TXLNB: variants seen among roughly 807,000 people sequenced by gnomAD.
The protein encoded by TXLNB is beta-taxilin.
In TXLNB, 37 loss-of-function variants were observed where a neutral mutation model predicts 57.4. The observed-to-expected ratio is 0.64, with a 90% CI of 0.50 to 0.85. The LOEUF is 0.85. Among genes scored for constraint, TXLNB ranks in the 40% least tolerant of loss-of-function variants. The pLI is 0.00. For synonymous variants in TXLNB, 302 were observed against 309.6 expected (o/e 0.98, Z 0.26); for missense variants, 848 against 825.6 (o/e 1.03, Z -0.33).
the TXLNB span, chr6:139,180,638 T>G: frequency 6.6e-6 from 1 of 152,642 alleles, no homozygotes; most frequent in African/African-American, 2.4e-5. Context: ...AGTAAAGATT[T>G]CTTGTCAAGA....
chr6:139,246,256 CA>C (rs199809066), intron 8 of TXLNB, among the ~76,000 whole-genome samples: 2 of 150,948 alleles, frequency 1.3e-5, no homozygotes, highest in South Asian at 2.1e-4. Flanking sequence ...GCTAGAATTT[CA>C]AAAAAAAATT....
At chr6:139,263,753 A>G (rs1562279579) in intron 4 of TXLNB, among the ~76,000 whole-genome samples, 1 of 152,202 alleles carries the variant, frequency 6.6e-6, no homozygotes, top group Non-Finnish European at 1.5e-5. Context: ...CGTGGCTGAC[A>G]AATGATACAG....
chr6:139,241,734 G>C lies in TXLNB; in HGVS notation c.*792C>G, dbSNP rs1775938734. 6.6e-6 allele frequency: 1 copy of C among 152,218 alleles called. No homozygotes were observed. The highest frequency in any genetic ancestry group is 1.5e-5 in the Non-Finnish European group (1 of 68,042). The allele number at this position is 152,218 out of a possible 1,614,324, so 9.4% of individuals were successfully genotyped here. On this transcript the variant is annotated 3_prime_UTR_variant, in exon 10 of 10. Transcript: ENST00000358430. ...TGTCTGCACAGATTGTAGTCTAACT[G>C]CTTTTCTGCCATTTGATCAACTGGT...
chr6:139,272,167 C>T (rs1337194529), intron 3 of TXLNB, among the ~76,000 whole-genome samples: 2 of 152,032 alleles, frequency 1.3e-5, no homozygotes, highest in Non-Finnish European at 2.9e-5. Context: ...ATTAGCCGGG[C>T]GTGGTGGTAT....
intron 8 of TXLNB, among the ~76,000 whole-genome samples, 180 bp from the exon 9 acceptor site, chr6:139,244,870 G>A (rs1054529697): frequency 6.6e-6 from 1 of 152,174 alleles, no homozygotes; most frequent in Non-Finnish European, 1.5e-5. Context: ...GCCGTCTAGG[G>A]CAGTGGCAAG....
At chr6:139,260,966 G>C (rs1489831709) in intron 5 of TXLNB, among the ~76,000 whole-genome samples, 1 of 152,168 alleles carries the variant, frequency 6.6e-6, no homozygotes. Flanking sequence ...TGAGGCCTGA[G>C]CCCCCCTGAA....
the TXLNB span, among the ~76,000 whole-genome samples, chr6:139,234,896 G>T: frequency 3.3e-5 from 5 of 152,330 alleles, no homozygotes; most frequent in East Asian, 9.6e-4. Flanking sequence ...GAAAGCAGCT[G>T]GGAAGGGCAC....
At chr6:139,211,562 A>T in the TXLNB span, among the ~76,000 whole-genome samples, 2 of 152,206 alleles carry the variant, frequency 1.3e-5, no homozygotes, top group Non-Finnish European at 2.9e-5. Context: ...AAACTCTAAA[A>T]ATCAGAGCGC....
rs1251227917 is a variant in TXLNB at position 139,262,577 on chromosome 6, ACCT to A, written c.881_882+1del. On this transcript the variant is annotated splice_donor_variant and coding_sequence_variant, in exon 5 of 10. Transcript: ENST00000358430. LOFTEE classifies it high-confidence loss of function. The stretch of plus-strand genomic sequence containing the variant: ...TTCTAAGTTGTTTGATGTGGTTCTC[ACCT>A]CCTCTCTGAGCTCATACTGATCGAT... 1.9e-6 allele frequency: 3 copies of A among 1,611,064 alleles called. No individual in the cohort carries two copies. The highest frequency in any genetic ancestry group is 1.7e-6 in the Non-Finnish European group (2 of 1,178,650).
chr6:139,187,773 T>C, the TXLNB span, among the ~76,000 whole-genome samples: 93 of 152,326 alleles, frequency 6.1e-4, 1 homozygote, highest in Non-Finnish European at 1.0e-3. Context: ...AGGCAGTTAA[T>C]TGCTGGATTG....
At chr6:139,312,340 T>C in the TXLNB span, among the ~76,000 whole-genome samples, 1 of 152,232 alleles carries the variant, frequency 6.6e-6, no homozygotes, top group African/African-American at 2.4e-5. Context: ...TGATCTGGAC[T>C]GTTAGGCACA....
At chr6:139,240,013 AAAAAT>A (rs1278409599), downstream of TXLNB, 2 of 146,152 alleles carry the variant, frequency 1.4e-5, no homozygotes, top group African/African-American at 2.8e-5. Context: ...TAATAAAAAC[AAAAAT>A]AAAATAAGTC....
the TXLNB span, among the ~76,000 whole-genome samples, chr6:139,323,095 T>G: frequency 1.3e-5 from 2 of 152,180 alleles, no homozygotes; most frequent in African/African-American, 2.4e-5. Context: ...GTCATTTCAG[T>G]AAGAAGTTTC....
the TXLNB span, among the ~76,000 whole-genome samples, chr6:139,226,326 A>AAG: frequency 4.7e-4 from 40 of 85,350 alleles, no homozygotes; most frequent in African/African-American, 1.1e-3. Context: ...AAAAAAAAAA[A>AAG]AGAGATAGAG....
chr6:139,209,577 A>G, the TXLNB span, among the ~76,000 whole-genome samples: 1 of 152,142 alleles, frequency 6.6e-6, no homozygotes, highest in African/African-American at 2.4e-5. Flanking sequence ...CTAATAGCCA[A>G]CTGATCTTTG....
At position 139,281,999 on chromosome 6, in the gene TXLNB, C is replaced by T. The variant is rs184197699; in HGVS notation, c.425-5078G>A. ...TAATAATTTTCCTCAAGGCTTTTCTCTCCCCTTCCATCTGCTTCTGTAAAC... is the reference window on the plus strand; with the variant it reads ...TAATAATTTTCCTCAAGGCTTTTCTTTCCCCTTCCATCTGCTTCTGTAAAC... On this transcript the variant is annotated intron_variant, in intron 2 of 9. Coordinates refer to ENST00000358430, the MANE Select transcript of TXLNB (RefSeq NM_153235.4). Among the ~76,000 whole-genome samples, 263 of 151,944 alleles carry T rather than the reference C, an allele frequency of 1.7e-3. No homozygotes were observed. In the East Asian group the frequency reaches 0.031, roughly 18 times the overall value.
chr6:139,170,144 T>C, the TXLNB span: 1 of 152,220 alleles, frequency 6.6e-6, no homozygotes, highest in Admixed American at 6.5e-5. Flanking sequence ...AACACCTTTA[T>C]TTCTCCATTG....
downstream of TXLNB, among the ~76,000 whole-genome samples, chr6:139,236,748 G>A (rs762628999): frequency 6.6e-6 from 1 of 152,116 alleles, no homozygotes; most frequent in Non-Finnish European, 1.5e-5. Flanking sequence ...GGGACCACAG[G>A]TGCCTGCCAC....
chr6:139,323,746 A>G, the TXLNB span, among the ~76,000 whole-genome samples: 5 of 152,104 alleles, frequency 3.3e-5, no homozygotes, highest in African/African-American at 7.2e-5. Flanking sequence ...CTGCTTACTC[A>G]TAATTTCTGT....
Sources: gnomAD v4.1 joint callset for allele counts (sites outside exome capture counted in the v4.1 genomes callset) on GRCh38, gnomAD v4.1.1 for gene constraint, MANE v1.5 for transcripts, NCBI Gene and HGNC (gene_info 2026-07-23, HGNC 2026-07-21) for gene names.